The following GRB7 variants were observed in gnomAD, a reference collection of about 807,000 sequenced individuals.
GRB7 encodes growth factor receptor-bound protein 7.
Under a neutral mutation model 64.1 loss-of-function variants are expected in GRB7, and 47 were observed. The ratio of observed to expected loss-of-function variants is 0.73; its 90% CI spans 0.58 to 0.94. GRB7 has a LOEUF of 0.94. Among genes scored for constraint, GRB7 ranks in the 40% least tolerant of loss-of-function variants. The pLI is 0.00. For synonymous variants in GRB7, 277 were observed against 279.9 expected (o/e 0.99, Z 0.10); for missense variants, 634 against 718.4 (o/e 0.88, Z 1.34).
intron 1 of GRB7, chr17:39,740,025 A>G (rs761868858): frequency 2.9e-5 from 29 of 985,166 alleles, no homozygotes; most frequent in Non-Finnish European, 3.3e-5. Flanking sequence ...CTCTAATGTG[A>G]TTTGAATCTA....
In GRB7 at chr17:39,746,009, C is replaced by T; in HGVS notation, c.1358+9C>T. The T allele has an allele frequency of 6.2e-7, 1 of 1,613,914 alleles. No homozygotes were observed. The highest frequency in any genetic ancestry group is 1.1e-5 in the South Asian group (1 of 91,092). On this transcript the variant is annotated intron_variant, in intron 13 of 14. Transcript: ENST00000309156. ...CAGGGCTTGGTAGACGGGTAAGGGG[C>T]AGGGCCGGGCAACAGACCCAGGGAT... is the stretch of plus-strand genomic sequence containing the variant.
Position 39,742,269 on chromosome 17 carries a change from G to A in GRB7, c.-33G>A. ...CTCCCCAGGACAAGGGCACACAACT[G>A]GTTCCGTTAAGCCCCTCTCTTGCTC... is the stretch of plus-strand genomic sequence containing the variant. On this transcript the variant is annotated 5_prime_UTR_variant, in exon 2 of 15. Transcript: ENST00000309156. The A allele has an allele frequency of 6.2e-7, 1 of 1,613,566 alleles. No individual in the cohort carries two copies. Among genetic ancestry groups the A allele is most frequent in the East Asian group, 2.2e-5 (1 of 44,866 alleles).
chr17:39,745,803 C>A lies in GRB7; in HGVS notation c.1270+15C>A, dbSNP rs369227802. 6.2e-7 allele frequency: 1 copy of A among 1,613,932 alleles called. No homozygotes were observed. The highest frequency in any genetic ancestry group is 1.1e-5 in the South Asian group (1 of 91,080). On this transcript the variant is annotated intron_variant, in intron 12 of 14. Transcript: ENST00000309156. ...CCTCAGTGCAGGTGGGTGACGGCCC[C>A]GAGTCCTGGGGCGGGGGCTGCCTCA... is the stretch of plus-strand genomic sequence containing the variant.
At chr17:39,746,276 C>A in intron 14 of GRB7, 74 bp downstream of exon 14, 1 of 1,227,650 alleles carries the variant, frequency 8.1e-7, no homozygotes, top group Non-Finnish European at 1.2e-6. Flanking sequence ...CTCACCAGGC[C>A]CCTCCAGAGG....
intron 9 of GRB7, 92 bp from the exon 10 acceptor site, chr17:39,745,151 C>G: frequency 3.2e-6 from 4 of 1,235,760 alleles, no homozygotes; most frequent in Non-Finnish European, 4.6e-6. Context: ...AAACACAGCC[C>G]TGGTCTGGGC....
chr17:39,744,407 G>A lies in GRB7; in HGVS notation c.802-146G>A. On this transcript the variant is annotated intron_variant, in intron 7 of 14. Coordinates refer to ENST00000309156, the MANE Select transcript of GRB7 (RefSeq NM_005310.5). The stretch of plus-strand genomic sequence containing the variant: ...AGGAGAAAAGATGATCTTAGTTTAA[G>A]TCCTGGCTCTACTTCTATTTGCTGT... 10 of 848,020 alleles carry A rather than the reference G, an allele frequency of 1.2e-5. No individual in the cohort carries two copies. In the South Asian group the frequency reaches 1.6e-4, roughly 14 times the overall value. The allele number at this position is 848,020 out of a possible 1,614,324, so 52.5% of individuals were successfully genotyped here. A position where few individuals can be genotyped will look rare whatever the true frequency, so the allele number is the denominator to read the frequency against.
chr17:39,742,436 CCT>C lies in GRB7; in HGVS notation c.137_138del (p.Leu46HisfsTer27). 2 of 1,613,986 alleles carry C rather than the reference CCT, an allele frequency of 1.2e-6. No homozygotes were observed. Among genetic ancestry groups the C allele is most frequent in the Non-Finnish European group, 1.7e-6 (2 of 1,179,990 alleles). On this transcript the variant is annotated frameshift_variant, in exon 2 of 15. Transcript: ENST00000309156. LOFTEE classifies it high-confidence loss of function. ...PEEVKRSQPLLIPTTGRKLRE... is the reference protein window; with the variant it reads ...PEEVKRSQPLXIPTTGRKLRE... ...AGGAGGTAAAGAGGTCCCAGCCTCT[CCT>C]CATCCCAACCACCGGCAGGTACGAT...
intron 7 of GRB7, 139 bp from the exon 8 acceptor site, chr17:39,744,414 C>A: frequency 1.2e-6 from 1 of 843,740 alleles, no homozygotes; most frequent in Non-Finnish European, 1.9e-6. Context: ...TAAGTCCTGG[C>A]TCTACTTCTA....
intron 14 of GRB7, 97 bp downstream of exon 14, chr17:39,746,299 CA>C (rs2060046193): frequency 3.2e-6 from 3 of 936,274 alleles, no homozygotes; most frequent in Non-Finnish European, 3.4e-6. Context: ...CCCTGGCCCC[CA>C]GTGCGTCTCC....
chr17:39,746,630 G>GAAAGAA (rs200567451), intron 14 of GRB7, 121 bp from the exon 15 acceptor site: 4 of 1,170,982 alleles, frequency 3.4e-6, no homozygotes, highest in East Asian at 2.5e-5. Context: ...AAAAAAAAAA[G>GAAAGAA]AAAGAAAAAG....
intron 14 of GRB7, among the ~76,000 whole-genome samples, chr17:39,746,486 G>A (rs1183691937): frequency 6.6e-6 from 1 of 152,010 alleles, no homozygotes; most frequent in African/African-American, 2.4e-5. Flanking sequence ...GCATGGTGGT[G>A]CACACCTGTA....
In GRB7 at chr17:39,742,331, T is replaced by C. The variant is rs61745960; in HGVS notation, c.30T>C (p.Leu10=). MELDLSPPH[L]SSSPEDLCPA... is the part of the protein sequence containing the mutation. The stretch of plus-strand genomic sequence containing the variant: ...AGCTGGATCTGTCTCCACCTCATCT[T>C]AGCAGCTCTCCGGAAGACCTTTGCC... Residue 10 remains leucine (L), a synonymous_variant, in exon 2 of 15, where the codon CTT becomes CTC. Coordinates refer to ENST00000309156, the MANE Select transcript of GRB7 (RefSeq NM_005310.5). 6.2e-7 allele frequency: 1 copy of C among 1,614,126 alleles called. No individual in the cohort carries two copies.
At chr17:39,746,344 C>A in intron 14 of GRB7, 142 bp downstream of exon 14, 1 of 708,710 alleles carries the variant, frequency 1.4e-6, no homozygotes, top group Non-Finnish European at 2.4e-6. Flanking sequence ...AGGCTGAGTG[C>A]GGTGGCTCAC....
chr17:39,746,786 T>A lies in GRB7; in HGVS notation c.1488T>A (p.Asp496Glu). 1.2e-6 allele frequency: 2 copies of A among 1,614,100 alleles called. No individual in the cohort carries two copies. The highest frequency in any genetic ancestry group is 2.2e-5 in the South Asian group (2 of 91,086). Residue 496 changes from aspartate (D) to glutamate (E), a missense_variant, in exon 15 of 15, where the codon GAT (aspartate) becomes GAA (glutamate). Transcript: ENST00000309156. The stretch of plus-strand genomic sequence containing the variant: ...AGGGCCGCCTGTACTTCAGCATGGA[T>A]GATGGCCAGACCCGCTTCACTGACC... ...EEEGRLYFSM[D>E]DGQTRFTDLL...
intron 12 of GRB7, 52 bp from the exon 13 acceptor site, chr17:39,745,854 AGTAGATG>A (rs1423008381): frequency 2.5e-6 from 4 of 1,611,714 alleles, no homozygotes; most frequent in Non-Finnish European, 3.4e-6. Context: ...CCCAGTGGGG[AGTAGATG>A]GTATAGGGGT....
rs202074606 is a variant in GRB7 at position 39,743,068 on chromosome 17, A to G, written c.463+14A>G. The stretch of plus-strand genomic sequence containing the variant: ...ACCTAGCACTGGGTAAGTCAGGTGC[A>G]TGGAACTATCCGGGCTGGGAGATGA... On this transcript the variant is annotated intron_variant, in intron 4 of 14. Transcript: ENST00000309156. The G allele has an allele frequency of 5.3e-5, 85 of 1,599,648 alleles. No individual in the cohort carries two copies. The highest frequency in any genetic ancestry group is 6.9e-5 in the Non-Finnish European group (81 of 1,170,986).
At chr17:39,744,371 A>G in intron 7 of GRB7, 164 bp downstream of exon 7, 3 of 931,362 alleles carry the variant, frequency 3.2e-6, no homozygotes, top group Non-Finnish European at 5.0e-6. Context: ...TCACCTGCCC[A>G]GGGAGGTAGC....
Position 39,747,136 on chromosome 17 carries a change from T to C in GRB7, c.*239T>C. On this transcript the variant is annotated 3_prime_UTR_variant, in exon 15 of 15. Transcript: ENST00000309156. ...CTTGGGTGGCCCCCTCTCCTTCTCC[T>C]AGCTCTGGAGGTGCTGCTCTAGGGC... 1 of 543,120 alleles carries C rather than the reference T, an allele frequency of 1.8e-6. No individual in the cohort carries two copies. The highest frequency in any genetic ancestry group is 3.3e-6 in the Non-Finnish European group (1 of 307,192). 33.6% of individuals were successfully genotyped at this position (543,120 alleles called of 1,614,324 possible). A position where few individuals can be genotyped will look rare whatever the true frequency, so the allele number is the denominator to read the frequency against.
At position 39,744,546 on chromosome 17, in the gene GRB7, T is replaced by C. The variant is rs781007944; in HGVS notation, c.802-7T>C. The C allele has an allele frequency of 1.9e-6, 3 of 1,600,912 alleles. No individual in the cohort carries two copies. In the East Asian group the frequency reaches 6.8e-5, roughly 36 times the overall value. On this transcript the variant is annotated splice_polypyrimidine_tract_variant and splice_region_variant and intron_variant, in intron 7 of 14. Transcript: ENST00000309156. ...TGTACCAAGTCCTGCTCACTCATGC[T>C]GCTTAGGATCCGAGGCACCTGCAGT... is the stretch of plus-strand genomic sequence containing the variant.
Sources: gnomAD v4.1 joint callset for allele counts (sites outside exome capture counted in the v4.1 genomes callset) on GRCh38, gnomAD v4.1.1 for gene constraint, MANE v1.5 for transcripts, NCBI Gene and HGNC (gene_info 2026-07-23, HGNC 2026-07-21) for gene names.